MCM5: variants seen among roughly 807,000 people sequenced by gnomAD.
MCM5 encodes the protein minichromosome maintenance complex component 5.
A neutral mutation model predicts 79.9 loss-of-function variants in MCM5; 46 were observed. The ratio of observed to expected loss-of-function variants is 0.58; its 90% CI spans 0.45 to 0.74. The LOEUF (loss-of-function observed/expected upper bound fraction) is 0.74. Ranked by LOEUF, MCM5 falls within the 30% of genes least tolerant of loss-of-function variation. The pLI is 0.00. For missense variants in MCM5, 883 were observed against 1,017.0 expected (o/e 0.87, Z 1.79); for synonymous variants, 404 against 390.5 (o/e 1.03, Z -0.41).
chr22:35,434,715 G>A, the MCM5 span, among the ~76,000 whole-genome samples: 1 of 152,214 alleles, frequency 6.6e-6, no homozygotes, highest in East Asian at 1.9e-4. Flanking sequence ...AAACACTGAG[G>A]ACAGGAGATT....
intron 7 of MCM5, among the ~76,000 whole-genome samples, chr22:35,412,062 A>G (rs1051691341): frequency 1.9e-4 from 29 of 152,030 alleles, no homozygotes; most frequent in Admixed American, 2.6e-4. Flanking sequence ...GGATCTGACC[A>G]CTTCTCATCC....
At chr22:35,416,500 A>G (rs1932543424) in intron 11 of MCM5, 96 bp downstream of exon 11, 8 of 1,370,612 alleles carry the variant, frequency 5.8e-6, no homozygotes, top group Non-Finnish European at 8.2e-6. Flanking sequence ...CTCTTTGCCC[A>G]GGCCTAGAAT....
rs879410159 is a variant in MCM5, at chr22:35,409,408, T to TA, written c.752+857dup. 17 of 146,964 alleles carry TA rather than the reference T, an allele frequency of 1.2e-4. 1 individual carries two copies. Among genetic ancestry groups the TA allele is most frequent in the Middle Eastern group, 6.9e-3 (2 of 288 alleles). 9.1% of individuals were successfully genotyped at this position (146,964 alleles called of 1,614,324 possible). A position where few individuals can be genotyped will look rare whatever the true frequency, so the allele number is the denominator to read the frequency against. On this transcript the variant is annotated intron_variant, in intron 6 of 16. Coordinates refer to ENST00000216122, the MANE Select transcript of MCM5 (RefSeq NM_006739.4). Reference sequence around the variant, plus strand: ...GGGCAACATACTGAGACCCTGTATCTAAAAAAAAAAAATTTATTAGCTGGG... The same window carrying TA: ...GGGCAACATACTGAGACCCTGTATCTAAAAAAAAAAAAATTTATTAGCTGGG...
chr22:35,413,962 T>A lies in MCM5; in HGVS notation c.1179T>A (p.Phe393Leu), dbSNP rs1176509843. The A allele has an allele frequency of 6.2e-6, 10 of 1,614,018 alleles. No individual in the cohort carries two copies. Among genetic ancestry groups the A allele is most frequent in the Non-Finnish European group, 8.5e-6 (10 of 1,179,840 alleles). The part of the protein sequence containing the change: ...PGTAKSQLLK[F>L]VEKCSPIGVY... Reference sequence around the variant, plus strand: ...CAGCCAAGTCCCAGCTTCTGAAGTTTGTGGAGAAGTGTTCTCCCATTGGGG... The same window carrying A: ...CAGCCAAGTCCCAGCTTCTGAAGTTAGTGGAGAAGTGTTCTCCCATTGGGG... Residue 393 changes from phenylalanine to leucine, a missense_variant, in exon 9 of 17, where the codon TTT (phenylalanine) becomes TTA (leucine). This residue lies in a region of MCM5 where 426 missense variants were observed against 482.3 expected (regional missense o/e 0.88). Coordinates refer to ENST00000216122, the MANE Select transcript of MCM5 (RefSeq NM_006739.4).
the MCM5 span, among the ~76,000 whole-genome samples, chr22:35,447,494 AC>A: frequency 1.4e-5 from 2 of 147,800 alleles, no homozygotes; most frequent in Admixed American, 6.7e-5. Flanking sequence ...TATTTTTGAG[AC>A]AGAGTCGTAT....
At chr22:35,448,112 C>A in the MCM5 span, among the ~76,000 whole-genome samples, 1 of 152,218 alleles carries the variant, frequency 6.6e-6, no homozygotes, top group African/African-American at 2.4e-5. Flanking sequence ...GAAAATGAGA[C>A]CGGAAACAAG....
At chr22:35,434,018 C>A in the MCM5 span, among the ~76,000 whole-genome samples, 1 of 152,224 alleles carries the variant, frequency 6.6e-6, no homozygotes, top group Admixed American at 6.5e-5. Flanking sequence ...TGCAAACGCA[C>A]AAGACTAGAA....
At chr22:35,431,072 G>T in the MCM5 span, among the ~76,000 whole-genome samples, 1 of 152,124 alleles carries the variant, frequency 6.6e-6, no homozygotes, top group African/African-American at 2.4e-5. Context: ...CTCTCCAGGC[G>T]CTCCCAGGGA....
At chr22:35,401,795 C>A (rs1932062322) in intron 2 of MCM5, 2 of 444,088 alleles carry the variant, frequency 4.5e-6, no homozygotes, top group Admixed American at 4.9e-5. Context: ...CCACGGTGGT[C>A]ATTTCCTCCA....
chr22:35,428,517 A>G (rs1047100618), downstream of MCM5, among the ~76,000 whole-genome samples: 11 of 152,000 alleles, frequency 7.2e-5, no homozygotes, highest in African/African-American at 2.7e-4. Flanking sequence ...CCCAGGGTAA[A>G]GGCTTTTTCA....
rs376283334 is a variant in MCM5 at position 35,421,477 on chromosome 22, G to T, written c.1975+17G>T. The stretch of plus-strand genomic sequence containing the variant: ...CCCTGTCAGGTGAGCAGATGCAGGG[G>T]CCATGGTCTCAATTGATCTGGGTTC... On this transcript the variant is annotated intron_variant, in intron 15 of 16. Transcript: ENST00000216122. The T allele has an allele frequency of 3.7e-6, 6 of 1,613,934 alleles. No individual in the cohort carries two copies. The highest frequency in any genetic ancestry group is 4.5e-5 in the East Asian group (2 of 44,882).
At chr22:35,438,886 TCCATCTAC>T in the MCM5 span, among the ~76,000 whole-genome samples, 33 of 145,322 alleles carry the variant, frequency 2.3e-4, no homozygotes, top group Non-Finnish European at 4.8e-4. Context: ...CATCCATCCA[TCCATCTAC>T]ATATCCATCC....
At position 35,412,538 on chromosome 22, in the gene MCM5, C is replaced by CAA; in HGVS notation, c.948_949insAA (p.Gln317AsnfsTer34). On this transcript the variant is annotated frameshift_variant, in exon 8 of 17. Coordinates refer to ENST00000216122, the MANE Select transcript of MCM5 (RefSeq NM_006739.4). LOFTEE classifies it high-confidence loss of function. ...GCAGCTTTGCTGGGGCCGTGAGCCC[C>CAA]CAGGAGGAGGAGGAGTTCCGTCGCC... is the stretch of plus-strand genomic sequence containing the variant. 6.3e-7 allele frequency: 1 copy of CAA among 1,574,946 alleles called. No individual in the cohort carries two copies. The highest frequency in any genetic ancestry group is 8.6e-7 in the Non-Finnish European group (1 of 1,158,280).
At chr22:35,451,321 C>T in the MCM5 span, among the ~76,000 whole-genome samples, 3 of 152,260 alleles carry the variant, frequency 2.0e-5, no homozygotes, top group African/African-American at 7.2e-5. Context: ...GCAACGGGAA[C>T]ATTTAAGTCA....
At chr22:35,417,958 C>G in intron 13 of MCM5, 102 bp downstream of exon 13, 1 of 772,390 alleles carries the variant, frequency 1.3e-6, no homozygotes, top group Admixed American at 2.0e-5. Flanking sequence ...AAGAACAGCC[C>G]AGATGTTGCT....
At chr22:35,447,422 G>A in the MCM5 span, among the ~76,000 whole-genome samples, 3 of 151,268 alleles carry the variant, frequency 2.0e-5, no homozygotes, top group East Asian at 5.8e-4. Flanking sequence ...GAAGGGTGTG[G>A]GGCTTATGGA....
chr22:35,419,765 G>A, intron 13 of MCM5, 119 bp from the exon 14 acceptor site: 1 of 1,021,720 alleles, frequency 9.8e-7, no homozygotes, highest in Non-Finnish European at 1.4e-6. Flanking sequence ...CATATGAGTG[G>A]GCAGCTGTGG....
intron 9 of MCM5, among the ~76,000 whole-genome samples, chr22:35,414,205 A>C (rs2145793965): frequency 6.6e-6 from 1 of 152,282 alleles, no homozygotes; most frequent in Non-Finnish European, 1.5e-5. Context: ...CTGTACTGAG[A>C]GTCAGGATGG....
the MCM5 span, among the ~76,000 whole-genome samples, chr22:35,442,391 A>C: frequency 0.049 from 7,420 of 152,080 alleles, 524 homozygotes; most frequent in African/African-American, 0.16. Flanking sequence ...TCAGTGGCTT[A>C]AAATAGCACA....
Sources: gnomAD v4.1 joint callset for allele counts (sites outside exome capture counted in the v4.1 genomes callset) on GRCh38, gnomAD v4.1.1 for gene constraint, gnomAD v4.1.1 regional missense constraint, MANE v1.5 for transcripts, NCBI Gene and HGNC (gene_info 2026-07-23, HGNC 2026-07-21) for gene names.